GALK2: variants seen among roughly 807,000 people sequenced by gnomAD.
The protein encoded by GALK2 is galactokinase 2.
In GALK2, 36 loss-of-function variants were observed where a neutral mutation model predicts 52.4. The observed-to-expected ratio is 0.69, with a 90% CI of 0.53 to 0.91. The LOEUF is 0.91. GALK2 is among the 40% of genes least tolerant of loss of function. The pLI, the probability that GALK2 is intolerant of heterozygous loss-of-function variation, is 0.00. For synonymous variants in GALK2, 176 were observed against 199.1 expected, an observed-to-expected ratio of 0.88 and a Z score of 0.98; for missense variants, 579 against 559.1, an observed-to-expected ratio of 1.04 and a Z score of -0.36.
chr15:49,274,162 C>G (rs1386870144), intron 5 of GALK2, among the ~76,000 whole-genome samples: 8 of 152,158 alleles, frequency 5.3e-5, no homozygotes, highest in Non-Finnish European at 8.8e-5. Context: ...GGGTAATGGA[C>G]TGAGAAATGT....
In GALK2 at chr15:49,247,348, G is replaced by A. The variant is rs545188372; in HGVS notation, c.504+7981G>A. Among the ~76,000 whole-genome samples, 273 of 152,146 alleles carry A rather than the reference G, an allele frequency of 1.8e-3. 1 individual carries two copies. The highest frequency in any genetic ancestry group is 0.01 in the Middle Eastern group (3 of 294). ...TTTGGAGGGCTGTGAGCTGGGGATG[G>A]CAAGATGTGATTTACATGGATTAAG... On this transcript the variant is annotated intron_variant, in intron 5 of 9. Transcript: ENST00000560031.
At chr15:49,317,880 A>G (rs114926132) in intron 8 of GALK2, among the ~76,000 whole-genome samples, 2,606 of 152,176 alleles carry the variant, frequency 0.017, 95 homozygotes, top group African/African-American at 0.06. Context: ...ACACAGGGAA[A>G]GGGGAACAAC....
chr15:49,184,242 T>C (rs887025883), intron 1 of GALK2, among the ~76,000 whole-genome samples: 3 of 152,134 alleles, frequency 2.0e-5, no homozygotes, highest in South Asian at 2.1e-4. Flanking sequence ...TCTCTTCTTA[T>C]AGTTTTTTTT....
At chr15:49,236,850 C>T (rs1205914850) in intron 4 of GALK2, among the ~76,000 whole-genome samples, 2 of 152,186 alleles carry the variant, frequency 1.3e-5, no homozygotes, top group Non-Finnish European at 2.9e-5. Flanking sequence ...GTGGCACATC[C>T]ATTACAGAAA....
At chr15:49,266,701 A>T (rs2092373836) in intron 5 of GALK2, among the ~76,000 whole-genome samples, 1 of 152,202 alleles carries the variant, frequency 6.6e-6, no homozygotes, top group East Asian at 1.9e-4. Flanking sequence ...GTCTTCAGCC[A>T]GGTACCCACT....
At position 49,330,317 on chromosome 15, in the gene GALK2, C is replaced by G. The variant is rs985043121; in HGVS notation, c.*2158C>G. Reference sequence around the variant, plus strand: ...AGTCAAATCCAGGCAGCATTTAGATCAGGGGTTATAGCCCAGCAGCCCATG... The same window carrying G: ...AGTCAAATCCAGGCAGCATTTAGATGAGGGGTTATAGCCCAGCAGCCCATG... On this transcript the variant is annotated 3_prime_UTR_variant, in exon 10 of 10. Transcript: ENST00000560031. The G allele has an allele frequency of 6.6e-6, 1 of 152,158 alleles. No homozygotes were observed. The highest frequency in any genetic ancestry group is 2.4e-5 in the African/African-American group (1 of 41,422). 9.4% of individuals were successfully genotyped at this position (152,158 alleles called of 1,614,324 possible).
At chr15:49,343,304 G>C (rs2041013092) in intron 3 of GALK2, among the ~76,000 whole-genome samples, 1 of 151,664 alleles carries the variant, frequency 6.6e-6, no homozygotes, top group African/African-American at 2.4e-5. Flanking sequence ...TCTTCTGCTT[G>C]GAACAGTCTA....
chr15:49,200,231 C>T (rs1373380039), intron 1 of GALK2, among the ~76,000 whole-genome samples: 3 of 152,076 alleles, frequency 2.0e-5, no homozygotes, highest in Non-Finnish European at 2.9e-5. Context: ...TTCAAATTCT[C>T]AAATTTTAGG....
At chr15:49,219,508 C>T (rs1415961430) in intron 3 of GALK2, among the ~76,000 whole-genome samples, 1 of 152,088 alleles carries the variant, frequency 6.6e-6, no homozygotes, top group Admixed American at 6.6e-5. Context: ...ACTAATATAG[C>T]CTTTTAAAGA....
At chr15:49,192,477 ATATATATG>A (rs1237516048) in intron 1 of GALK2, among the ~76,000 whole-genome samples, 5 of 73,818 alleles carry the variant, frequency 6.8e-5, no homozygotes, top group East Asian at 8.8e-4. Context: ...TGAATATTAT[ATATATATG>A]TATATATATA....
intron 7 of GALK2, among the ~76,000 whole-genome samples, chr15:49,291,981 G>A (rs2033981804): frequency 6.6e-6 from 1 of 152,076 alleles, no homozygotes; most frequent in African/African-American, 2.4e-5. Context: ...CAGTAGGCAT[G>A]AACTGAATAA....
At chr15:49,192,496 T>TATATATAC in intron 1 of GALK2, among the ~76,000 whole-genome samples, 1 of 41,974 alleles carries the variant, frequency 2.4e-5, no homozygotes, top group East Asian at 1.1e-3. Flanking sequence ...TATATATATA[T>TATATATAC]ATATATATAT....
chr15:49,280,360 G>A (rs1358540702), intron 5 of GALK2, among the ~76,000 whole-genome samples: 1 of 152,152 alleles, frequency 6.6e-6, no homozygotes, highest in Non-Finnish European at 1.5e-5. Context: ...TGACTAGTTG[G>A]GAATGCGGTG....
chr15:49,179,058 GT>G (rs1199159110), intron 1 of GALK2, among the ~76,000 whole-genome samples: 2 of 151,576 alleles, frequency 1.3e-5, no homozygotes, highest in African/African-American at 4.9e-5. Flanking sequence ...TTTTAATTTT[GT>G]TTTTATGTTT....
At chr15:49,228,893 C>G (rs1049826865) in intron 3 of GALK2, among the ~76,000 whole-genome samples, 1 of 150,928 alleles carries the variant, frequency 6.6e-6, no homozygotes. Context: ...TGGTGTTTCA[C>G]CATGTTGGAT....
chr15:49,247,547 C>G (rs2091409656), intron 5 of GALK2, among the ~76,000 whole-genome samples: 1 of 152,194 alleles, frequency 6.6e-6, no homozygotes, highest in Admixed American at 6.5e-5. Context: ...AACTGACCAT[C>G]TATCTCATAC....
At chr15:49,215,988 C>T (rs2089336758) in intron 2 of GALK2, among the ~76,000 whole-genome samples, 1 of 152,220 alleles carries the variant, frequency 6.6e-6, no homozygotes, top group African/African-American at 2.4e-5. Context: ...TGCTGCAATT[C>T]TTCCTGACAT....
rs1197953530 is a variant in GALK2, at chr15:49,361,836, C to T, written c.427-5655C>T. 5.3e-5 allele frequency among the ~76,000 whole-genome samples: 8 copies of T among 152,072 alleles called. No homozygotes were observed. In the East Asian group the frequency reaches 5.8e-4, roughly 11 times the overall value. ...GAAATTGCCAAACTGCTTTCCACAA[C>T]GGTTGAACTAATTTACATTCCCACC... is the stretch of plus-strand genomic sequence containing the variant. On this transcript the variant is annotated intron_variant, in intron 3 of 3. Transcript: ENST00000558399.
upstream of GALK2, among the ~76,000 whole-genome samples, chr15:49,166,081 G>A (rs555985642): frequency 6.0e-3 from 906 of 151,966 alleles, 7 homozygotes; most frequent in Non-Finnish European, 7.1e-3. Flanking sequence ...GAATTACACT[G>A]CGCCCGGCCC....
Sources: gnomAD v4.1 joint callset for allele counts (sites outside exome capture counted in the v4.1 genomes callset) on GRCh38, gnomAD v4.1.1 for gene constraint, MANE v1.5 for transcripts, NCBI Gene and HGNC (gene_info 2026-07-23, HGNC 2026-07-21) for gene names.